KDM4C: variants seen among roughly 807,000 people sequenced by gnomAD.
KDM4C encodes lysine-specific demethylase 4C.
In KDM4C, 81 loss-of-function variants were observed where a neutral mutation model predicts 129.3. The observed-to-expected ratio is 0.63, with a 90% CI of 0.52 to 0.75. KDM4C has a LOEUF of 0.75. Among genes scored for constraint, KDM4C ranks in the 30% least tolerant of loss-of-function variants. The probability of loss-of-function intolerance (pLI) is 0.00; values close to 1 mark genes in which losing one functional copy is unlikely to be tolerated. For synonymous variants in KDM4C, 573 were observed against 456.1 expected (o/e 1.26, Z -3.26); for missense variants, 1,457 against 1,304.0 (o/e 1.12, Z -1.81).
intron 4 of KDM4C, among the ~76,000 whole-genome samples, chr9:6,846,237 A>T (rs1837836976): frequency 6.6e-6 from 1 of 152,250 alleles, no homozygotes. Flanking sequence ...GGAGTCAGAT[A>T]GATTTAGGTT....
At chr9:7,170,739 C>A (rs1016266928) in intron 21 of KDM4C, 2 of 981,822 alleles carry the variant, frequency 2.0e-6, no homozygotes, top group Admixed American at 1.2e-4. Flanking sequence ...TTAGTGAGTG[C>A]TTATGATATA....
intron 18 of KDM4C, among the ~76,000 whole-genome samples, chr9:7,110,849 A>G (rs2133213301): frequency 6.6e-6 from 1 of 152,318 alleles, no homozygotes; most frequent in South Asian, 2.1e-4. Context: ...TATTGGAGAG[A>G]AACTGATAAC....
At chr9:6,830,149 A>G (rs1208175074) in intron 4 of KDM4C, among the ~76,000 whole-genome samples, 1 of 152,236 alleles carries the variant, frequency 6.6e-6, no homozygotes, top group Non-Finnish European at 1.5e-5. Flanking sequence ...ACGGATACAA[A>G]TTGTTAAAGC....
chr9:7,034,299 G>C (rs1412511724), intron 15 of KDM4C, among the ~76,000 whole-genome samples: 1 of 152,158 alleles, frequency 6.6e-6, no homozygotes, highest in African/African-American at 2.4e-5. Context: ...CAGAAATATA[G>C]AACTTAGTCC....
intron 4 of KDM4C, among the ~76,000 whole-genome samples, chr9:6,841,486 T>C (rs1339763056): frequency 6.6e-6 from 1 of 152,210 alleles, no homozygotes; most frequent in African/African-American, 2.4e-5. Flanking sequence ...TTCTATTATA[T>C]GGAAAGTACC....
chr9:6,748,226 G>C (rs996869473), intron 1 of KDM4C, among the ~76,000 whole-genome samples: 2 of 151,490 alleles, frequency 1.3e-5, no homozygotes, highest in African/African-American at 4.9e-5. Flanking sequence ...AACAGGAATT[G>C]GCTGGGCGTG....
chr9:7,088,640 G>A (rs752639433), intron 17 of KDM4C, among the ~76,000 whole-genome samples: 1 of 152,170 alleles, frequency 6.6e-6, no homozygotes, highest in African/African-American at 2.4e-5. Context: ...GATTACATTT[G>A]CTACATATTA....
At chr9:6,724,187 C>T (rs777059471) in intron 1 of KDM4C, among the ~76,000 whole-genome samples, 1 of 152,140 alleles carries the variant, frequency 6.6e-6, no homozygotes, top group African/African-American at 2.4e-5. Flanking sequence ...TTCTAATGAG[C>T]CTTTTCAGCT....
At chr9:6,935,584 ATT>A (rs61292057) in intron 8 of KDM4C, among the ~76,000 whole-genome samples, 2 of 144,784 alleles carry the variant, frequency 1.4e-5, no homozygotes. Flanking sequence ...CGCCCGGCTA[ATT>A]TTTTTTTTTT....
In KDM4C at chr9:6,893,146, G is replaced by A; in HGVS notation, c.835G>A (p.Ala279Thr). Reference sequence around the variant, plus strand: ...GATCACTTTCCCATATGGCTACCATGCTGGTTTTAATCATGGTTTCAACTG... The same window carrying A: ...GATCACTTTCCCATATGGCTACCATACTGGTTTTAATCATGGTTTCAACTG... The part of the protein sequence containing the change: ...FMITFPYGYH[A>T]GFNHGFNCAE... Residue 279 changes from alanine to threonine, a missense_variant, in exon 8 of 22, where the codon GCT (alanine) becomes ACT (threonine). Ala to Thr is a moderately conservative substitution (Grantham distance 58). Transcript: ENST00000381309. 6.2e-7 allele frequency: 1 copy of A among 1,604,486 alleles called. No homozygotes were observed. The highest frequency in any genetic ancestry group is 8.5e-7 in the Non-Finnish European group (1 of 1,175,126).
chr9:6,955,846 G>A (rs1327131918), intron 8 of KDM4C, among the ~76,000 whole-genome samples: 1 of 152,172 alleles, frequency 6.6e-6, no homozygotes, highest in African/African-American at 2.4e-5. Context: ...ATGGAACACA[G>A]TGACGCTTTG....
intron 18 of KDM4C, chr9:7,105,450 A>G (rs186744677): frequency 1.1e-5 from 5 of 470,962 alleles, no homozygotes; most frequent in East Asian, 6.9e-5. Flanking sequence ...TATTGCTACT[A>G]CTACTTCTGC....
At chr9:6,794,548 T>C (rs1220189489) in intron 2 of KDM4C, among the ~76,000 whole-genome samples, 1 of 152,194 alleles carries the variant, frequency 6.6e-6, no homozygotes, top group Non-Finnish European at 1.5e-5. Flanking sequence ...AAGATCACAC[T>C]GGCTCCTACA....
Position 6,795,323 on chromosome 9 carries a change from T to G in KDM4C, c.144+2191T>G, listed in dbSNP as rs7019908. Among the ~76,000 whole-genome samples, 1,252 of 152,172 alleles carry G rather than the reference T, an allele frequency of 8.2e-3. 17 individuals carry two copies. Among genetic ancestry groups the G allele is most frequent in the African/African-American group, 0.028 (1,174 of 41,528 alleles). On this transcript the variant is annotated intron_variant, in intron 2 of 21. Coordinates refer to ENST00000381309, the MANE Select transcript of KDM4C (RefSeq NM_015061.6). ...GGCCTGTAATTAGGTTGTATATATA[T>G]ATATTTTTTGTTGTTGTTTCTTTTT... is the stretch of plus-strand genomic sequence containing the variant.
intron 8 of KDM4C, among the ~76,000 whole-genome samples, chr9:6,936,624 G>A (rs1182857315): frequency 6.6e-6 from 1 of 152,158 alleles, no homozygotes; most frequent in Non-Finnish European, 1.5e-5. Flanking sequence ...TCATTCTGAT[G>A]AATGAGAATG....
At chr9:7,116,417 G>A (rs1838901777) in intron 18 of KDM4C, among the ~76,000 whole-genome samples, 3 of 152,078 alleles carry the variant, frequency 2.0e-5, no homozygotes, top group Admixed American at 2.0e-4. Context: ...TTTAATTGAG[G>A]TTATATGGAC....
At chr9:6,816,055 G>T (rs1253564882) in intron 4 of KDM4C, among the ~76,000 whole-genome samples, 35 of 152,010 alleles carry the variant, frequency 2.3e-4, no homozygotes, top group Non-Finnish European at 1.6e-4. Context: ...TGTTATAACT[G>T]TCCCCCCGCC....
intron 18 of KDM4C, 52 bp from the exon 19 acceptor site, chr9:7,128,014 C>G (rs897674332): frequency 1.5e-5 from 20 of 1,311,240 alleles, no homozygotes; most frequent in East Asian, 2.8e-5. Flanking sequence ...TACGTCCTTT[C>G]TTTTCCTGTT....
intron 1 of KDM4C, among the ~76,000 whole-genome samples, chr9:6,772,659 CACAGATTA>C: frequency 6.6e-6 from 1 of 150,712 alleles, no homozygotes; most frequent in East Asian, 2.0e-4. Flanking sequence ...CTGCGCCTGG[CACAGATTA>C]TTTTCTTTGA....
Sources: gnomAD v4.1 joint callset for allele counts (sites outside exome capture counted in the v4.1 genomes callset) on GRCh38, gnomAD v4.1.1 for gene constraint, MANE v1.5 for transcripts, NCBI Gene and HGNC (gene_info 2026-07-23, HGNC 2026-07-21) for gene names.